The following SRPK2 variants were observed in gnomAD, a reference collection of about 807,000 sequenced individuals.
The protein encoded by SRPK2 is SFRS protein kinase 2.
Under a neutral mutation model 90.8 loss-of-function variants are expected in SRPK2, and 21 were observed. The ratio of observed to expected loss-of-function variants is 0.23; its 90% CI spans 0.16 to 0.33. The LOEUF is 0.33. SRPK2 is among the 10% of genes least tolerant of loss of function. The pLI is 1.00. For missense variants in SRPK2, 620 were observed against 869.0 expected (o/e 0.71, Z 3.60); for synonymous variants, 288 against 311.1 (o/e 0.93, Z 0.78).
intron 7 of SRPK2, among the ~76,000 whole-genome samples, chr7:105,157,129 T>C (rs747877596): frequency 6.6e-6 from 1 of 152,116 alleles, no homozygotes; most frequent in Non-Finnish European, 1.5e-5. Context: ...GAAAAGGTAC[T>C]AGCTGGAGGT....
intron 3 of SRPK2, among the ~76,000 whole-genome samples, chr7:105,170,790 A>AAGGAAGGAAGGAAGGAC (rs1554435316): frequency 2.7e-4 from 19 of 70,418 alleles, no homozygotes; most frequent in African/African-American, 1.0e-3. Context: ...GACGGGAGGG[A>AAGGAAGGAAGGAAGGAC]GGGAGGGAGG....
chr7:105,185,792 C>T (rs1793501561), intron 3 of SRPK2, among the ~76,000 whole-genome samples: 1 of 152,146 alleles, frequency 6.6e-6, no homozygotes, highest in African/African-American at 2.4e-5. Flanking sequence ...ATCAAAAAGT[C>T]TAACTCATGC....
At chr7:105,383,176 C>T (rs1257145495) in intron 2 of SRPK2, among the ~76,000 whole-genome samples, 1 of 145,502 alleles carries the variant, frequency 6.9e-6, no homozygotes. Flanking sequence ...GCCATTCTCC[C>T]GCCTCAGCCT....
chr7:105,378,779 G>T (rs536085876), intron 2 of SRPK2, among the ~76,000 whole-genome samples: 191 of 147,530 alleles, frequency 1.3e-3, no homozygotes, highest in Non-Finnish European at 2.4e-3. Flanking sequence ...AAAAAAAAAT[G>T]ATGTTTAACA....
At chr7:105,351,219 C>T (rs1386940585) in intron 2 of SRPK2, among the ~76,000 whole-genome samples, 1 of 152,122 alleles carries the variant, frequency 6.6e-6, no homozygotes, top group Non-Finnish European at 1.5e-5. Context: ...CCATGTGATA[C>T]TCTAGGCCAC....
intron 2 of SRPK2, among the ~76,000 whole-genome samples, chr7:105,340,966 C>T (rs943741569): frequency 4.6e-5 from 7 of 152,062 alleles, no homozygotes; most frequent in African/African-American, 1.7e-4. Flanking sequence ...GATCTGCATA[C>T]CTCAGTCAGC....
chr7:105,170,952 AAAGAAAGAAAGAAAG>A (rs1373476696), intron 3 of SRPK2, among the ~76,000 whole-genome samples: 30 of 40,820 alleles, frequency 7.3e-4, no homozygotes, highest in Non-Finnish European at 1.5e-3. Flanking sequence ...AGAAAGAAAG[AAAGAAAGAAAGAAAG>A]AGAAAGAAAG....
At chr7:105,266,914 G>T (rs1264131482) in intron 2 of SRPK2, among the ~76,000 whole-genome samples, 1 of 152,120 alleles carries the variant, frequency 6.6e-6, no homozygotes, top group East Asian at 1.9e-4. Context: ...CCTTCTTGTT[G>T]TAATATATCT....
intron 2 of SRPK2, among the ~76,000 whole-genome samples, chr7:105,249,365 T>C (rs1231445883): frequency 1.3e-5 from 2 of 152,138 alleles, no homozygotes; most frequent in Admixed American, 6.5e-5. Context: ...TTTAAAGAAC[T>C]AAATAGTGAA....
At chr7:105,194,727 G>A (rs898089291) in intron 3 of SRPK2, among the ~76,000 whole-genome samples, 16 of 152,152 alleles carry the variant, frequency 1.1e-4, no homozygotes, top group Admixed American at 9.8e-4. Context: ...ATCGAGACAG[G>A]TCAAAACAAT....
intron 2 of SRPK2, among the ~76,000 whole-genome samples, chr7:105,243,465 A>T (rs563426699): frequency 4.7e-4 from 72 of 152,216 alleles, no homozygotes; most frequent in South Asian, 1.0e-3. Context: ...TGAGGTCAGG[A>T]GTTCAAGACT....
At chr7:105,221,822 G>A (rs963742579) in intron 2 of SRPK2, among the ~76,000 whole-genome samples, 14 of 151,976 alleles carry the variant, frequency 9.2e-5, no homozygotes, top group African/African-American at 2.9e-4. Context: ...TTTTTCTTCG[G>A]ATTACCAAAA....
chr7:105,226,126 A>G (rs867463660), intron 2 of SRPK2, among the ~76,000 whole-genome samples: 2 of 152,222 alleles, frequency 1.3e-5, no homozygotes, highest in Non-Finnish European at 2.9e-5. Context: ...ATATATTAAT[A>G]ATCATGTCAA....
At chr7:105,155,113 T>C (rs567718089) in intron 7 of SRPK2, among the ~76,000 whole-genome samples, 1 of 152,298 alleles carries the variant, frequency 6.6e-6, no homozygotes, top group East Asian at 1.9e-4. Flanking sequence ...CCCAAGTAGC[T>C]GGAACTATAT....
chr7:105,300,267 A>G (rs986046559), intron 2 of SRPK2, among the ~76,000 whole-genome samples: 5 of 150,752 alleles, frequency 3.3e-5, no homozygotes, highest in South Asian at 4.1e-4. Flanking sequence ...AAAAAAAAAA[A>G]AAAAAAAAAA....
At chr7:105,292,614 A>T (rs1809206056) in intron 2 of SRPK2, among the ~76,000 whole-genome samples, 1 of 151,858 alleles carries the variant, frequency 6.6e-6, no homozygotes, top group Non-Finnish European at 1.5e-5. Flanking sequence ...GCACCTGAAG[A>T]TCTGCTACTT....
At chr7:105,258,107 A>G (rs1803604283) in intron 2 of SRPK2, among the ~76,000 whole-genome samples, 1 of 120,120 alleles carries the variant, frequency 8.3e-6, no homozygotes, top group East Asian at 2.0e-4. Flanking sequence ...CCATCTCCAA[A>G]AACAAAAAAA....
intron 2 of SRPK2, among the ~76,000 whole-genome samples, chr7:105,295,848 G>C (rs1345914956): frequency 1.3e-5 from 2 of 152,092 alleles, no homozygotes; most frequent in African/African-American, 2.4e-5. Context: ...AGACACACAG[G>C]GTTCAGGTTC....
At chr7:105,267,923 G>C (rs1444176288) in intron 2 of SRPK2, among the ~76,000 whole-genome samples, 1 of 152,038 alleles carries the variant, frequency 6.6e-6, no homozygotes, top group Admixed American at 6.6e-5. Flanking sequence ...TCAATATTAA[G>C]TATAACCTAT....
Sources: allele counts gnomAD v4.1 joint callset (sites outside exome capture counted in the v4.1 genomes callset), GRCh38; gene constraint gnomAD v4.1.1; transcripts MANE v1.5; gene names NCBI Gene and HGNC (gene_info 2026-07-23, HGNC 2026-07-21).